GARS1: variants seen among roughly 807,000 people sequenced by gnomAD.
GARS1 encodes the protein glycine--tRNA ligase.
A neutral mutation model predicts 86.4 loss-of-function variants in GARS1; 46 were observed. The observed-to-expected ratio is 0.53, with a 90% confidence interval of 0.42 to 0.68. The LOEUF is 0.68. Ranked by LOEUF, GARS1 falls within the 30% of genes least tolerant of loss-of-function variation. The pLI, the probability that GARS1 is intolerant of heterozygous loss-of-function variation, is 0.00. For missense variants in GARS1, 797 were observed against 915.6 expected (o/e 0.87, Z 1.67); for synonymous variants, 342 against 329.8 (o/e 1.04, Z -0.40).
intron 8 of GARS1, among the ~76,000 whole-genome samples, chr7:30,613,795 C>T (rs1782825742): frequency 6.6e-6 from 1 of 152,196 alleles, no homozygotes; most frequent in African/African-American, 2.4e-5. Flanking sequence ...CAGCATCCTC[C>T]TGGCTTTTGT....
intron 1 of GARS1, among the ~76,000 whole-genome samples, chr7:30,597,763 C>G (rs1007530644): frequency 6.6e-6 from 1 of 152,194 alleles, no homozygotes; most frequent in Non-Finnish European, 1.5e-5. Context: ...CAAAAACAAT[C>G]ACACAGTGTG....
rs576649769 is a variant in GARS1, at chr7:30,619,510, A to T, written c.1360-1883A>T. ...GCACGTTTTTGTAATTTTACCTTTC[A>T]GTACATAAATGTTAGTTGACATCTG... On this transcript the variant is annotated intron_variant, in intron 10 of 16. Transcript: ENST00000389266. Among the ~76,000 whole-genome samples the T allele has an allele frequency of 3.3e-5, 5 of 152,322 alleles. 1 individual carries two copies. Among genetic ancestry groups the T allele is most frequent in the Admixed American group, 1.3e-4 (2 of 15,298 alleles).
At chr7:30,600,359 A>G (rs558906413) in intron 3 of GARS1, among the ~76,000 whole-genome samples, 5 of 152,352 alleles carry the variant, frequency 3.3e-5, no homozygotes, top group African/African-American at 1.2e-4. Flanking sequence ...GAAGAGTAAC[A>G]GAGGGCCATT....
chr7:30,606,250 T>G (rs530494287), intron 6 of GARS1, among the ~76,000 whole-genome samples: 5 of 152,056 alleles, frequency 3.3e-5, no homozygotes, highest in Non-Finnish European at 4.4e-5. Context: ...GTCCATTGTT[T>G]AGATGCATTA....
intron 2 of GARS1, among the ~76,000 whole-genome samples, chr7:30,599,433 C>T (rs887039449): frequency 1.7e-4 from 26 of 151,952 alleles, no homozygotes; most frequent in African/African-American, 6.3e-4. Context: ...GATGGAGTCT[C>T]GCCCTGTTGC....
chr7:30,612,538 T>C (rs1005143124), intron 8 of GARS1, among the ~76,000 whole-genome samples: 2 of 145,928 alleles, frequency 1.4e-5, no homozygotes, highest in African/African-American at 5.1e-5. Context: ...ATTTTGAGGA[T>C]GGTAATATCT....
chr7:30,611,430 A>C (rs1250311801), intron 7 of GARS1, among the ~76,000 whole-genome samples: 1 of 152,224 alleles, frequency 6.6e-6, no homozygotes, highest in African/African-American at 2.4e-5. Context: ...CTCCATGTAC[A>C]TGATGACTTA....
At chr7:30,599,497 G>C (rs968291489) in intron 2 of GARS1, among the ~76,000 whole-genome samples, 1 of 152,018 alleles carries the variant, frequency 6.6e-6, no homozygotes, top group African/African-American at 2.4e-5. Context: ...CTGCCTCCCG[G>C]GTTCAAGTGA....
At chr7:30,616,606 A>G (rs910095731) in intron 9 of GARS1, among the ~76,000 whole-genome samples, 7 of 152,330 alleles carry the variant, frequency 4.6e-5, no homozygotes, top group African/African-American at 1.7e-4. Flanking sequence ...CTTGTCAGCC[A>G]CTTTGCAGAG....
intron 13 of GARS1, among the ~76,000 whole-genome samples, chr7:30,627,695 C>G (rs528883117): frequency 6.6e-6 from 1 of 152,230 alleles, no homozygotes; most frequent in Non-Finnish European, 1.5e-5. Flanking sequence ...AAACTCTCCC[C>G]TAAGGGCGTC....
chr7:30,612,282 C>T (rs1012852905), intron 8 of GARS1, 37 bp downstream of exon 8: 4 of 1,591,534 alleles, frequency 2.5e-6, no homozygotes, highest in Non-Finnish European at 3.4e-6. Context: ...TAGTGAATGA[C>T]CTTGGCATTG....
At chr7:30,626,163 C>A in intron 12 of GARS1, 71 bp from the exon 13 acceptor site, 1 of 902,760 alleles carries the variant, frequency 1.1e-6, no homozygotes, top group Non-Finnish European at 1.8e-6. Context: ...TAGCAATCTA[C>A]AAAATTCCTT....
In GARS1 at chr7:30,607,062, A is replaced by G. The variant is rs561247942; in HGVS notation, c.736-2523A>G. 3.3e-5 allele frequency among the ~76,000 whole-genome samples: 5 copies of G among 152,320 alleles called. No homozygotes were observed. The South Asian group carries it at 1.0e-3, about 32-fold the overall frequency. ...ACCATCAGCAATATGAATGTTGAAA[A>G]CAGTTAAAAACACTTTTATTGTTCT... On this transcript the variant is annotated intron_variant, in intron 6 of 16. Coordinates refer to ENST00000389266, the MANE Select transcript of GARS1 (RefSeq NM_002047.4).
intron 6 of GARS1, among the ~76,000 whole-genome samples, chr7:30,606,796 C>G (rs553442680): frequency 2.0e-4 from 31 of 152,264 alleles, no homozygotes; most frequent in African/African-American, 7.2e-4. Context: ...TAATTATAAA[C>G]CTTGTCAGTG....
At chr7:30,611,752 G>A (rs545214381) in intron 7 of GARS1, among the ~76,000 whole-genome samples, 1 of 152,184 alleles carries the variant, frequency 6.6e-6, no homozygotes, top group African/African-American at 2.4e-5. Context: ...CCAAAGTGCT[G>A]GGATTACAGG....
intron 15 of GARS1, 24 bp downstream of exon 15, chr7:30,631,565 C>T (rs1226933536): frequency 6.8e-7 from 1 of 1,468,924 alleles, no homozygotes. Context: ...ATTGGGTAAA[C>T]TCCATGGGAA....
Position 30,632,013 on chromosome 7 carries a change from G to T in GARS1, c.1904-234G>T. 1 of 523,870 alleles carries T rather than the reference G, an allele frequency of 1.9e-6. No individual in the cohort carries two copies. Among genetic ancestry groups the T allele is most frequent in the South Asian group, 2.0e-5 (1 of 48,968 alleles). The allele number at this position is 523,870 out of a possible 1,614,324, so 32.5% of individuals were successfully genotyped here. A position where few individuals can be genotyped will look rare whatever the true frequency, so the allele number is the denominator to read the frequency against. On this transcript the variant is annotated intron_variant, in intron 15 of 16. Coordinates refer to ENST00000389266, the MANE Select transcript of GARS1 (RefSeq NM_002047.4). This position sits in a 1 kb window ranked among gnomAD's most constrained non-coding sequence, Gnocchi z 4.1. ...GACTCACCTTCTGGCCTTGGCTCTTGGTCCCATATTTGTTCCCCCTATAGC... is the reference window on the plus strand; with the variant it reads ...GACTCACCTTCTGGCCTTGGCTCTTTGTCCCATATTTGTTCCCCCTATAGC...
Position 30,629,102 on chromosome 7 carries a change from G to T in GARS1, c.1809+433G>T, listed in dbSNP as rs866989457. ...CTCAAACTGCATGAAATTGTCTGGG[G>T]TACTTTTGGGGTAAAGATGTGAATT... On this transcript the variant is annotated intron_variant, in intron 14 of 16. Coordinates refer to ENST00000389266, the MANE Select transcript of GARS1 (RefSeq NM_002047.4). Among the ~76,000 whole-genome samples the T allele has an allele frequency of 4.6e-5, 7 of 152,216 alleles. No individual in the cohort carries two copies. The South Asian group carries it at 1.5e-3, about 32-fold the overall frequency.
At chr7:30,607,230 C>T (rs985736623) in intron 6 of GARS1, among the ~76,000 whole-genome samples, 6 of 152,104 alleles carry the variant, frequency 3.9e-5, no homozygotes, top group African/African-American at 1.4e-4. Flanking sequence ...TTTCAGTATT[C>T]AGGGTTTCCT....
Sources: allele counts gnomAD v4.1 joint callset (sites outside exome capture counted in the v4.1 genomes callset), GRCh38; gene constraint gnomAD v4.1.1; non-coding constraint Gnocchi (gnomAD v3.1); transcripts MANE v1.5; gene names NCBI Gene and HGNC (gene_info 2026-07-23, HGNC 2026-07-21).